The following ERBB4 variants were observed in gnomAD, a reference collection of about 807,000 sequenced individuals.
ERBB4 encodes erb-b2 receptor tyrosine kinase 4.
Under a neutral mutation model 158.0 loss-of-function variants are expected in ERBB4, and 42 were observed. That is an observed-to-expected ratio of 0.27 (90% confidence interval 0.21 to 0.34). The LOEUF (loss-of-function observed/expected upper bound fraction) is 0.34, where lower values mean the gene tolerates loss of function less well. ERBB4 is among the 10% of genes least tolerant of loss of function. The pLI is 1.00. For missense variants in ERBB4, 1,333 were observed against 1,624.1 expected (o/e 0.82, Z 3.08); for synonymous variants, 583 against 558.7 (o/e 1.04, Z -0.61).
At chr2:212,225,544 C>T (rs2083443289) in intron 1 of ERBB4, among the ~76,000 whole-genome samples, 2 of 151,794 alleles carry the variant, frequency 1.3e-5, no homozygotes, top group South Asian at 4.1e-4. Flanking sequence ...AGTATTTTGT[C>T]ATTCGGCATG....
chr2:212,249,992 C>T (rs561624232), intron 1 of ERBB4, among the ~76,000 whole-genome samples: 2 of 151,980 alleles, frequency 1.3e-5, no homozygotes, highest in Admixed American at 1.3e-4. Context: ...CACCTGATAC[C>T]GTGTATATGT....
At chr2:212,413,810 A>G (rs1255203992) in intron 1 of ERBB4, among the ~76,000 whole-genome samples, 9 of 152,192 alleles carry the variant, frequency 5.9e-5, no homozygotes, top group Non-Finnish European at 8.8e-5. Flanking sequence ...AAGCCACACA[A>G]TACTTCAATT....
chr2:211,555,725 G>A (rs755717392), intron 20 of ERBB4, among the ~76,000 whole-genome samples: 4 of 152,126 alleles, frequency 2.6e-5, no homozygotes, highest in Non-Finnish European at 5.9e-5. Flanking sequence ...GGGAAACTAA[G>A]CTTCATAAGC....
chr2:211,728,061 TCACTTTCTTTA>T (rs2074321700), intron 5 of ERBB4, among the ~76,000 whole-genome samples: 2 of 151,850 alleles, frequency 1.3e-5, no homozygotes, highest in Non-Finnish European at 2.9e-5. Flanking sequence ...GACTGTCCCT[TCACTTTCTTTA>T]AGTCTTTGAC....
chr2:211,671,068 A>G (rs1466773620), intron 14 of ERBB4, among the ~76,000 whole-genome samples: 1 of 152,162 alleles, frequency 6.6e-6, no homozygotes, highest in African/African-American at 2.4e-5. Context: ...TTTTTTGTCT[A>G]TAGGATTAGG....
At chr2:212,185,266 C>T (rs2081985583) in intron 1 of ERBB4, among the ~76,000 whole-genome samples, 1 of 151,828 alleles carries the variant, frequency 6.6e-6, no homozygotes, top group South Asian at 2.1e-4. Flanking sequence ...AATTGATCTG[C>T]TGGAATTGGC....
intron 2 of ERBB4, among the ~76,000 whole-genome samples, chr2:212,039,585 T>G (rs2077091596): frequency 6.6e-6 from 1 of 152,210 alleles, no homozygotes; most frequent in South Asian, 2.1e-4. Context: ...GTTCAGTAAC[T>G]TGCTTATGCT....
At chr2:211,619,102 T>G (rs2069497308) in intron 19 of ERBB4, 75 bp downstream of exon 19, 1 of 885,040 alleles carries the variant, frequency 1.1e-6, no homozygotes. Flanking sequence ...GAGTTTGGTT[T>G]TGTTTTGCTT....
intron 12 of ERBB4, among the ~76,000 whole-genome samples, chr2:211,694,567 T>TTA (rs2072941912): frequency 6.6e-6 from 1 of 151,874 alleles, no homozygotes; most frequent in Admixed American, 6.6e-5. Flanking sequence ...AATGCTTTTT[T>TTA]TTTTTTACAA....
intron 1 of ERBB4, among the ~76,000 whole-genome samples, chr2:212,171,729 T>G (rs2081526406): frequency 6.6e-6 from 1 of 152,168 alleles, no homozygotes; most frequent in Non-Finnish European, 1.5e-5. Context: ...TGCTGCCACG[T>G]AAGACACGCC....
chr2:211,559,421 T>C (rs1430722569), intron 20 of ERBB4, among the ~76,000 whole-genome samples: 2 of 152,214 alleles, frequency 1.3e-5, no homozygotes, highest in African/African-American at 4.8e-5. Flanking sequence ...TGGGTAACCA[T>C]ATAATATGTT....
rs76634390 is a variant in ERBB4 at position 212,513,070 on chromosome 2, G to A, written c.82+25379C>T. 9.3e-3 allele frequency among the ~76,000 whole-genome samples: 1,415 copies of A among 152,200 alleles called. 21 individuals carry two copies. The highest frequency in any genetic ancestry group is 0.032 in the African/African-American group (1,335 of 41,510). On this transcript the variant is annotated intron_variant, in intron 1 of 27. Coordinates refer to ENST00000342788, the MANE Select transcript of ERBB4 (RefSeq NM_005235.3). ...CTCATTTCAGAAACTGTCTTTCCCA[G>A]AAGAGTTTTCCAGACTTTAGTTATA...
intron 7 of ERBB4, among the ~76,000 whole-genome samples, chr2:211,720,006 C>G (rs1261946592): frequency 2.0e-5 from 3 of 151,934 alleles, no homozygotes; most frequent in African/African-American, 7.3e-5. Context: ...ATGAGAATTT[C>G]AGCTGCAGGA....
chr2:212,395,110 C>CTA (rs1271236300), intron 1 of ERBB4, among the ~76,000 whole-genome samples: 3 of 152,054 alleles, frequency 2.0e-5, no homozygotes, highest in Non-Finnish European at 2.9e-5. Context: ...GCAGTGTCTG[C>CTA]TATATATATG....
chr2:211,665,513 A>T (rs1182670245), intron 14 of ERBB4, 36 bp from the exon 15 acceptor site: 9 of 1,602,916 alleles, frequency 5.6e-6, no homozygotes, highest in Non-Finnish European at 6.8e-6. Flanking sequence ...GAAAAAAGAA[A>T]AGTGGTGTCA....
intron 1 of ERBB4, among the ~76,000 whole-genome samples, chr2:212,344,496 GTA>G (rs774473717): frequency 2.0e-5 from 3 of 150,540 alleles, no homozygotes; most frequent in East Asian, 3.9e-4. Flanking sequence ...GTGTGTGTGT[GTA>G]TATGTGTGTG....
intron 1 of ERBB4, among the ~76,000 whole-genome samples, chr2:212,258,863 A>T (rs1278543036): frequency 6.6e-6 from 1 of 152,008 alleles, no homozygotes; most frequent in Non-Finnish European, 1.5e-5. Flanking sequence ...CATTAAATTT[A>T]TTACACAACT....
At chr2:211,810,689 G>A (rs1356965173) in intron 3 of ERBB4, among the ~76,000 whole-genome samples, 65 of 111,376 alleles carry the variant, frequency 5.8e-4, no homozygotes, top group African/African-American at 1.7e-3. Flanking sequence ...TTTTTGAGAC[G>A]GAGTCTCGCT....
intron 3 of ERBB4, among the ~76,000 whole-genome samples, chr2:211,796,661 T>G (rs2076388961): frequency 6.6e-6 from 1 of 151,982 alleles, no homozygotes; most frequent in African/African-American, 2.4e-5. Flanking sequence ...TGGTATTATT[T>G]TAATTTGCAC....
Sources: gnomAD v4.1 joint callset for allele counts (sites outside exome capture counted in the v4.1 genomes callset) on GRCh38, gnomAD v4.1.1 for gene constraint, MANE v1.5 for transcripts, NCBI Gene and HGNC (gene_info 2026-07-23, HGNC 2026-07-21) for gene names.